CFAP161: variants seen among roughly 807,000 people sequenced by gnomAD.
CFAP161 encodes cilia- and flagella-associated protein 161.
In CFAP161, 25 loss-of-function variants were observed where a neutral mutation model predicts 29.0. That is an observed-to-expected ratio of 0.86 (90% CI 0.63 to 1.20). CFAP161 has a LOEUF of 1.20. CFAP161 is among the 50% of genes most tolerant of loss of function. CFAP161 has a pLI of 0.00. For missense variants in CFAP161, 367 were observed against 371.9 expected (o/e 0.99, Z 0.11); for synonymous variants, 116 against 137.4 (o/e 0.84, Z 1.09).
At chr15:81,141,503 A>G (rs980666032) in intron 4 of CFAP161, among the ~76,000 whole-genome samples, 1 of 152,076 alleles carries the variant, frequency 6.6e-6, no homozygotes, top group African/African-American at 2.4e-5. Flanking sequence ...AATGATGACA[A>G]TTTTCTCTCT....
At chr15:81,108,094 T>A (rs1347683315) in intron 1 of CFAP161, among the ~76,000 whole-genome samples, 1 of 152,194 alleles carries the variant, frequency 6.6e-6, no homozygotes, top group African/African-American at 2.4e-5. Context: ...GAGTCTGCCT[T>A]GATACCCTTC....
intron 5 of CFAP161, among the ~76,000 whole-genome samples, chr15:81,144,991 C>A (rs1894982867): frequency 6.6e-6 from 1 of 152,116 alleles, no homozygotes. Flanking sequence ...CTTGTGGGCA[C>A]AGAGTAGGCC....
At chr15:81,131,265 A>G (rs1341132434), upstream of CFAP161, among the ~76,000 whole-genome samples, 1 of 152,188 alleles carries the variant, frequency 6.6e-6, no homozygotes, top group Non-Finnish European at 1.5e-5. Flanking sequence ...AAAGAAACAG[A>G]AAACTGTGAT....
intron 1 of CFAP161, among the ~76,000 whole-genome samples, chr15:81,107,493 G>T (rs1000553882): frequency 1.3e-5 from 2 of 152,122 alleles, no homozygotes; most frequent in Non-Finnish European, 2.9e-5. Context: ...TGGGAGGCCG[G>T]GGTGGGCGGA....
Position 81,134,415 on chromosome 15 carries a change from C to A in CFAP161, c.69+17C>A. 6.4e-7 allele frequency: 1 copy of A among 1,572,544 alleles called. No homozygotes were observed. The highest frequency in any genetic ancestry group is 1.9e-5 in the Admixed American group (1 of 52,200). Reference sequence around the variant, plus strand: ...CTGGAGGAGGTACGCAGGGTGTGGCCAGGCGCAGACCCGCAGCTCAGGAAC... The same window carrying A: ...CTGGAGGAGGTACGCAGGGTGTGGCAAGGCGCAGACCCGCAGCTCAGGAAC... On this transcript the variant is annotated intron_variant, in intron 1 of 6. Coordinates refer to ENST00000286732, the MANE Select transcript of CFAP161 (RefSeq NM_173528.4).
chr15:81,144,453 G>A lies in CFAP161; in HGVS notation c.636+633G>A, dbSNP rs544498329. Among the ~76,000 whole-genome samples the A allele has an allele frequency of 3.9e-4, 59 of 152,116 alleles. No homozygotes were observed. In the East Asian group the frequency reaches 9.9e-3, roughly 25 times the overall value. On this transcript the variant is annotated intron_variant, in intron 5 of 6. Coordinates refer to ENST00000286732, the MANE Select transcript of CFAP161 (RefSeq NM_173528.4). ...TCTACAAAAAATACAAAAATTAGCC[G>A]GGTGTGGTGGCACACACCTGTAATC...
chr15:81,105,096 C>CCCTCCCTCCCTCCCTCCCTCCCTT (rs1266233152), intron 1 of CFAP161, among the ~76,000 whole-genome samples: 1 of 65,402 alleles, frequency 1.5e-5, no homozygotes, highest in Non-Finnish European at 3.2e-5. Flanking sequence ...TCTTTTCCCT[C>CCCTCCCTCCCTCCCTCCCTCCCTT]CCTCCCTCCC....
chr15:81,132,350 G>A (rs58921068), upstream of CFAP161, among the ~76,000 whole-genome samples: 20,784 of 152,102 alleles, frequency 0.14, 1,607 homozygotes, highest in African/African-American at 0.2. Flanking sequence ...AGAAAAAAAC[G>A]CTATCAACAA....
intron 1 of CFAP161, among the ~76,000 whole-genome samples, chr15:81,102,995 C>G (rs1032185977): frequency 6.6e-6 from 1 of 152,048 alleles, no homozygotes; most frequent in Non-Finnish European, 1.5e-5. Flanking sequence ...TAAAATGTAC[C>G]TGGGTTGAAA....
At chr15:81,135,548 A>C (rs920082839) in intron 2 of CFAP161, among the ~76,000 whole-genome samples, 189 bp downstream of exon 2, 2 of 117,690 alleles carry the variant, frequency 1.7e-5, no homozygotes, top group Non-Finnish European at 3.3e-5. Context: ...CCAGTGTGCG[A>C]TGTTCCCCTT....
chr15:81,119,814 C>T (rs1160354198), intron 1 of CFAP161, among the ~76,000 whole-genome samples: 2 of 152,112 alleles, frequency 1.3e-5, no homozygotes, highest in East Asian at 3.9e-4. Context: ...TGCTTGTAAT[C>T]CCAACATTTT....
In CFAP161 at chr15:81,135,365, T is replaced by C. The variant is rs759249993; in HGVS notation, c.159+6T>C. The C allele has an allele frequency of 6.3e-6, 3 of 478,204 alleles. No individual in the cohort carries two copies. The highest frequency in any genetic ancestry group is 4.7e-5 in the Admixed American group (1 of 21,330). The allele number at this position is 478,204 out of a possible 1,614,324, so 29.6% of individuals were successfully genotyped here. A position where few individuals can be genotyped will look rare whatever the true frequency, so the allele number is the denominator to read the frequency against. Reference sequence around the variant, plus strand: ...AACAGAATCTCTTGAGACCGGTAACTTTTTTTTTTTTTATTACACTTTAAG... The same window carrying C: ...AACAGAATCTCTTGAGACCGGTAACCTTTTTTTTTTTTATTACACTTTAAG... On this transcript the variant is annotated splice_donor_region_variant and intron_variant, in intron 2 of 6. Transcript: ENST00000286732.
At chr15:81,124,191 T>C (rs552915356) in intron 1 of CFAP161, among the ~76,000 whole-genome samples, 2 of 152,296 alleles carry the variant, frequency 1.3e-5, no homozygotes, top group African/African-American at 4.8e-5. Context: ...ATATGGCTCT[T>C]ATTATTTTGA....
intron 5 of CFAP161, among the ~76,000 whole-genome samples, chr15:81,147,340 C>T (rs987987963): frequency 7.2e-5 from 11 of 151,968 alleles, no homozygotes; most frequent in East Asian, 5.8e-4. Flanking sequence ...GGACCCTCTT[C>T]GGGAAAAAGC....
intron 1 of CFAP161, among the ~76,000 whole-genome samples, chr15:81,114,534 A>G (rs903475081): frequency 6.6e-6 from 1 of 152,336 alleles, no homozygotes; most frequent in South Asian, 2.1e-4. Flanking sequence ...TCACATGTCA[A>G]TCTAAACAAA....
chr15:81,144,096 G>T (rs188288158), intron 5 of CFAP161, among the ~76,000 whole-genome samples: 1 of 152,008 alleles, frequency 6.6e-6, no homozygotes, highest in Non-Finnish European at 1.5e-5. Flanking sequence ...CACAAGTTTG[G>T]GAGGTACTAA....
intron 1 of CFAP161, among the ~76,000 whole-genome samples, chr15:81,123,978 C>G (rs1309087643): frequency 6.6e-6 from 1 of 152,206 alleles, no homozygotes; most frequent in Non-Finnish European, 1.5e-5. Flanking sequence ...ATCATGTCAT[C>G]TACAAACAGG....
chr15:81,140,422 A>G (rs896393061), intron 4 of CFAP161, among the ~76,000 whole-genome samples: 4 of 152,172 alleles, frequency 2.6e-5, no homozygotes. Flanking sequence ...AGTTATATCT[A>G]TTATCCCTTG....
chr15:81,135,158 CT>C, intron 1 of CFAP161, 111 bp from the exon 2 acceptor site: 4 of 602,528 alleles, frequency 6.6e-6, no homozygotes, highest in South Asian at 2.8e-5. Context: ...GCTCACATCT[CT>C]TTTTTTGTAC....
Sources: gnomAD v4.1 joint callset for allele counts (sites outside exome capture counted in the v4.1 genomes callset) on GRCh38, gnomAD v4.1.1 for gene constraint, MANE v1.5 for transcripts, NCBI Gene and HGNC (gene_info 2026-07-23, HGNC 2026-07-21) for gene names.